KDM4C: variants seen among roughly 807,000 people sequenced by gnomAD.
KDM4C encodes lysine-specific demethylase 4C.
A neutral mutation model predicts 129.3 loss-of-function variants in KDM4C; 81 were observed. The observed-to-expected ratio is 0.63, with a 90% CI of 0.52 to 0.75. The LOEUF is 0.75. KDM4C is among the 30% of genes least tolerant of loss of function. The probability of loss-of-function intolerance (pLI) is 0.00; values close to 1 mark genes in which losing one functional copy is unlikely to be tolerated. For synonymous variants in KDM4C, 573 were observed against 456.1 expected (o/e 1.26, Z -3.26); for missense variants, 1,457 against 1,304.0 (o/e 1.12, Z -1.81).
chr9:7,098,577 T>G (rs1212484673), intron 17 of KDM4C, among the ~76,000 whole-genome samples: 1 of 152,234 alleles, frequency 6.6e-6, no homozygotes, highest in Non-Finnish European at 1.5e-5. Flanking sequence ...AGGCTGCATA[T>G]TAATTGCTGC....
At chr9:6,798,586 C>A (rs912115227) in intron 2 of KDM4C, among the ~76,000 whole-genome samples, 3 of 152,182 alleles carry the variant, frequency 2.0e-5, no homozygotes, top group Admixed American at 6.5e-5. Context: ...GATCCCAAGG[C>A]AGAAGAATTT....
Position 6,748,574 on chromosome 9 carries a change from A to C in KDM4C, c.49+27577A>C. 1.6e-5 allele frequency: 9 copies of C among 558,392 alleles called. No individual in the cohort carries two copies. The South Asian group carries it at 1.7e-4, about 11-fold the overall frequency. 34.6% of individuals were successfully genotyped at this position (558,392 alleles called of 1,614,324 possible). A position where few individuals can be genotyped will look rare whatever the true frequency, so the allele number is the denominator to read the frequency against. Reference sequence around the variant, plus strand: ...TTAGTTTTAATACAAACAATCCCACAGCATTTATTGCCATCTTGTAAAAAC... The same window carrying C: ...TTAGTTTTAATACAAACAATCCCACCGCATTTATTGCCATCTTGTAAAAAC... On this transcript the variant is annotated intron_variant, in intron 1 of 17. Coordinates refer to the KDM4C transcript ENST00000536108.
At chr9:7,057,822 T>A (rs1283193285) in intron 17 of KDM4C, among the ~76,000 whole-genome samples, 2 of 152,184 alleles carry the variant, frequency 1.3e-5, no homozygotes, top group African/African-American at 4.8e-5. Context: ...TCCCCTGCAG[T>A]TATTGCTGAA....
chr9:7,145,902 T>C (rs1389792491), intron 19 of KDM4C, among the ~76,000 whole-genome samples: 2 of 152,204 alleles, frequency 1.3e-5, no homozygotes, highest in Non-Finnish European at 2.9e-5. Flanking sequence ...TCCAGGACAC[T>C]CTGAGGATGA....
chr9:7,120,451 A>C (rs1027887954), intron 18 of KDM4C, among the ~76,000 whole-genome samples: 1 of 152,170 alleles, frequency 6.6e-6, no homozygotes, highest in Non-Finnish European at 1.5e-5. Context: ...ACTCTTCTAC[A>C]TTTGAACAAT....
intron 5 of KDM4C, among the ~76,000 whole-genome samples, chr9:6,854,341 C>G (rs139186902): frequency 1.9e-3 from 290 of 152,076 alleles, no homozygotes; most frequent in African/African-American, 5.6e-3. Context: ...CCAGCCTCAA[C>G]ATGAAGAAAC....
chr9:6,850,357 G>A (rs946738454), intron 5 of KDM4C, among the ~76,000 whole-genome samples: 1 of 152,202 alleles, frequency 6.6e-6, no homozygotes, highest in Non-Finnish European at 1.5e-5. Flanking sequence ...GTATGTAGGA[G>A]GTAGTTAGGA....
intron 15 of KDM4C, among the ~76,000 whole-genome samples, chr9:7,027,634 C>T (rs181923161): frequency 6.6e-6 from 1 of 152,314 alleles, no homozygotes; most frequent in Non-Finnish European, 1.5e-5. Flanking sequence ...ACACTACAGT[C>T]AGCAGATGGT....
chr9:7,038,326 T>C (rs1362320617), intron 15 of KDM4C, among the ~76,000 whole-genome samples: 1 of 152,100 alleles, frequency 6.6e-6, no homozygotes, highest in Admixed American at 6.6e-5. Flanking sequence ...AGAAAACTAC[T>C]TAAGCTGTTT....
At chr9:6,931,135 A>G (rs1823655671) in intron 8 of KDM4C, among the ~76,000 whole-genome samples, 1 of 148,352 alleles carries the variant, frequency 6.7e-6, no homozygotes, top group Non-Finnish European at 1.5e-5. Flanking sequence ...CCCCCCACAC[A>G]AACACACTTT....
At chr9:6,938,226 G>C (rs1170309334) in intron 8 of KDM4C, among the ~76,000 whole-genome samples, 3 of 151,842 alleles carry the variant, frequency 2.0e-5, no homozygotes, top group African/African-American at 7.3e-5. Flanking sequence ...TATATTATAG[G>C]ATGAACATAA....
intron 17 of KDM4C, among the ~76,000 whole-genome samples, chr9:7,069,695 G>A (rs1832933321): frequency 6.6e-6 from 1 of 152,150 alleles, no homozygotes; most frequent in Non-Finnish European, 1.5e-5. Context: ...ATAGTTTTAT[G>A]TAATTTTATC....
At chr9:6,826,885 A>C (rs975780972) in intron 4 of KDM4C, among the ~76,000 whole-genome samples, 1 of 152,046 alleles carries the variant, frequency 6.6e-6, no homozygotes, top group African/African-American at 2.4e-5. Context: ...AAAAAAGAAA[A>C]TGTATCTTAT....
intron 19 of KDM4C, among the ~76,000 whole-genome samples, chr9:7,153,498 G>T (rs1367167314): frequency 6.6e-6 from 1 of 152,172 alleles, no homozygotes; most frequent in Non-Finnish European, 1.5e-5. Flanking sequence ...CGGTCATCTA[G>T]GACCAAGCCT....
intron 3 of KDM4C, among the ~76,000 whole-genome samples, chr9:6,811,160 CT>C (rs1006437594): frequency 6.6e-6 from 1 of 151,180 alleles, no homozygotes. Context: ...GCTGGGCTGT[CT>C]TTTTTTTTCT....
chr9:6,827,728 C>T (rs1013935400), intron 4 of KDM4C, among the ~76,000 whole-genome samples: 8 of 152,192 alleles, frequency 5.3e-5, no homozygotes, highest in Non-Finnish European at 1.0e-4. Flanking sequence ...AATTTCACAT[C>T]CAAGGCAAAG....
At chr9:6,915,976 T>C (rs916409697) in intron 8 of KDM4C, among the ~76,000 whole-genome samples, 2 of 152,038 alleles carry the variant, frequency 1.3e-5, no homozygotes, top group Admixed American at 1.3e-4. Context: ...GTAATCAGGG[T>C]TATAGGATGG....
chr9:7,036,052 T>C (rs1279821789), intron 15 of KDM4C, among the ~76,000 whole-genome samples: 1 of 152,198 alleles, frequency 6.6e-6, no homozygotes, highest in African/African-American at 2.4e-5. Context: ...AGGGATTGCA[T>C]TGAATCTGTA....
intron 9 of KDM4C, chr9:6,982,411 C>T (rs1227906840): frequency 6.6e-6 from 1 of 152,090 alleles, no homozygotes; most frequent in Non-Finnish European, 1.5e-5. Flanking sequence ...TCAGGACCAA[C>T]ATTTTAAAAT....
Sources: allele counts gnomAD v4.1 joint callset (sites outside exome capture counted in the v4.1 genomes callset), GRCh38; gene constraint gnomAD v4.1.1; transcripts MANE v1.5; gene names NCBI Gene and HGNC (gene_info 2026-07-23, HGNC 2026-07-21).